Variants in ZNF512B observed in about 807,000 individuals in gnomAD.
ZNF512B encodes the protein zinc finger protein 512B.
ZNF512B carries 22 observed loss-of-function variants against 87.8 expected under a neutral mutation model. The observed-to-expected ratio is 0.25, with a 90% CI of 0.18 to 0.36. The LOEUF is 0.36. ZNF512B is among the 10% of genes least tolerant of loss of function. The pLI is 1.00. For synonymous variants in ZNF512B, 524 were observed against 490.9 expected (o/e 1.07, Z -0.89); for missense variants, 1,060 against 1,231.6 (o/e 0.86, Z 2.09).
In ZNF512B at chr20:63,964,105, C is replaced by A. The variant is rs759201145; in HGVS notation, c.1446G>T (p.Lys482Asn). The change falls in exon 8 of 17, where the codon AAG becomes AAT. Residue 482 changes from lysine to asparagine, a missense_variant. Physicochemically the swap from Lys to Asn is moderately conservative, Grantham distance 94. Coordinates refer to ENST00000369888, the MANE Select transcript of ZNF512B (RefSeq NM_020713.3). ...KVPAAPITVS[K>N]EAPAPVAHPA... is the part of the protein sequence containing the mutation. ...GGTGGGCCACAGGGGCCGGTGCCTCCTTGCTGACAGTGATGGGGGCAGCTG... is the reference window on the plus strand; with the variant it reads ...GGTGGGCCACAGGGGCCGGTGCCTCATTGCTGACAGTGATGGGGGCAGCTG... 2.5e-6 allele frequency: 4 copies of A among 1,610,436 alleles called. No individual in the cohort carries two copies. In the Admixed American group the frequency reaches 6.7e-5, roughly 27 times the overall value.
At position 63,964,711 on chromosome 20, in the gene ZNF512B, G is replaced by A. The variant is rs772609258; in HGVS notation, c.1040C>T (p.Ala347Val). The A allele has an allele frequency of 3.0e-5, 48 of 1,610,468 alleles. No individual in the cohort carries two copies. The highest frequency in any genetic ancestry group is 2.3e-4 in the Admixed American group (14 of 59,962). Residue 347 changes from alanine (A) to valine (V), a missense_variant, in exon 6 of 17, where the codon GCG (alanine) becomes GTG (valine). By Grantham distance (64) the Ala-to-Val change is moderately conservative. Coordinates refer to ENST00000369888, the MANE Select transcript of ZNF512B (RefSeq NM_020713.3). ...AATTGGGCAGGTGTCCAGGCTGTCC[G>A]CAGCCCTGCAGGGAGCAGGTGAGGT... Reference protein sequence around the residue: ...TGRNSGKKRAADSLDTCPIPP... With the variant: ...TGRNSGKKRAVDSLDTCPIPP...
In ZNF512B at chr20:63,962,027, C is replaced by T. The variant is rs377274270; in HGVS notation, c.2266-23G>A. On this transcript the variant is annotated intron_variant, in intron 14 of 16. Transcript: ENST00000369888. ...GCACTGCAGGGAAGGGAGCCGTGGG[C>T]GAAGGCCTCTGGTGGGCACCCCACA... The T allele has an allele frequency of 8.8e-5, 137 of 1,550,510 alleles. No homozygotes were observed. The African/African-American group carries it at 1.3e-3, about 15-fold the overall frequency.
In ZNF512B at chr20:63,962,465, C is replaced by T. The variant is rs533161084; in HGVS notation, c.2164-91G>A. Reference sequence around the variant, plus strand: ...TCGCCTCGGCAGCAGGCGACACTCGCCGCAGATGGCGGGGGCAGCGGGTGG... The same window carrying T: ...TCGCCTCGGCAGCAGGCGACACTCGTCGCAGATGGCGGGGGCAGCGGGTGG... On this transcript the variant is annotated intron_variant, in intron 13 of 16. Transcript: ENST00000369888. 346 of 1,554,014 alleles carry T rather than the reference C, an allele frequency of 2.2e-4. 2 individuals are homozygous for T. Among genetic ancestry groups the T allele is most frequent in the Middle Eastern group, 3.8e-4 (2 of 5,332 alleles).
intron 1 of ZNF512B, among the ~76,000 whole-genome samples, chr20:63,968,208 T>C (rs763545550): frequency 6.6e-6 from 1 of 152,216 alleles, no homozygotes; most frequent in Non-Finnish European, 1.5e-5. Flanking sequence ...CCTGAGACCC[T>C]CACCAACTTC....
rs1270685376 is a variant in ZNF512B, at chr20:63,956,820, T to C, written c.*3068A>G. ...GGCGGGGACGAGGACCGGGGACAGA[T>C]GGTCACAAGGCGGGCGGGGCCCGAA... On this transcript the variant is annotated 3_prime_UTR_variant, in exon 17 of 17. Coordinates refer to ENST00000369888, the MANE Select transcript of ZNF512B (RefSeq NM_020713.3). The C allele has an allele frequency of 1.3e-5, 2 of 153,746 alleles. No homozygotes were observed. The highest frequency in any genetic ancestry group is 4.8e-5 in the African/African-American group (2 of 41,494). The allele number at this position is 153,746 out of a possible 1,614,324, so 9.5% of individuals were successfully genotyped here. A position where few individuals can be genotyped will look rare whatever the true frequency, so the allele number is the denominator to read the frequency against.
intron 3 of ZNF512B, 77 bp from the exon 4 acceptor site, chr20:63,967,081 C>G: frequency 1.3e-6 from 2 of 1,591,362 alleles, no homozygotes; most frequent in Admixed American, 1.7e-5. Flanking sequence ...GACTCAGAGC[C>G]CCCCCGGGCC....
At chr20:63,963,543 AC>A in intron 10 of ZNF512B, 74 bp downstream of exon 10, 1 of 1,598,946 alleles carries the variant, frequency 6.3e-7, no homozygotes, top group Non-Finnish European at 8.5e-7. Flanking sequence ...GAGGTTAGAA[AC>A]CGGGGGCACT....
At position 63,963,264 on chromosome 20, in the gene ZNF512B, C is replaced by T. The variant is rs1428091521; in HGVS notation, c.1799G>A (p.Gly600Asp). ...GAGGCTGGAGAAGGCAGCCCCGCAACCCTGGGGGTCAGGCCAGAGGGTGGG... is the reference window on the plus strand; with the variant it reads ...GAGGCTGGAGAAGGCAGCCCCGCAATCCTGGGGGTCAGGCCAGAGGGTGGG... ...QMGRLRCPQE[G>D]CGAAFSSLMG... The change falls in exon 12 of 17, where the codon GGT becomes GAT. Residue 600 changes from glycine to aspartate, a missense_variant and splice_region_variant. Gly to Asp is a moderately conservative substitution (Grantham distance 94, BLOSUM62 -1). Transcript: ENST00000369888. 2 of 1,544,404 alleles carry T rather than the reference C, an allele frequency of 1.3e-6. No individual in the cohort carries two copies. Among genetic ancestry groups the T allele is most frequent in the Middle Eastern group, 3.4e-4 (2 of 5,944 alleles).
Position 63,966,214 on chromosome 20 carries a change from A to T in ZNF512B, c.961T>A (p.Cys321Ser), listed in dbSNP as rs146666443. Residue 321 changes from cysteine (C) to serine (S), a missense_variant, in exon 5 of 17, where the codon TGC becomes AGC. Around this residue, in one of 9 missense-constraint regions of ZNF512B, gnomAD observed 201 missense variants for 226.8 expected, o/e 0.89. Coordinates refer to ENST00000369888, the MANE Select transcript of ZNF512B (RefSeq NM_020713.3). ...PIAISRHTPP[C>S]KMVLLTRSEN... Reference sequence around the variant, plus strand: ...GACCTGGTCAGCAGCACCATTTTGCAGGGCGGTGTGTGTCTGCTGATAGCA... The same window carrying T: ...GACCTGGTCAGCAGCACCATTTTGCTGGGCGGTGTGTGTCTGCTGATAGCA... The T allele has an allele frequency of 1.5e-5, 25 of 1,613,920 alleles. No individual in the cohort carries two copies. The African/African-American group carries it at 2.4e-4, about 15-fold the overall frequency.
In ZNF512B at chr20:63,969,889, C is replaced by G. The variant is rs1412527001; in HGVS notation, c.-78G>C. On this transcript the variant is annotated 5_prime_UTR_variant, in exon 1 of 17. Coordinates refer to ENST00000369888, the MANE Select transcript of ZNF512B (RefSeq NM_020713.3). ...GGCGCGGGGCGCGGGGCGCTGGGTC[C>G]GGGCGGCGCAGGCTGCGCGCCGCGC... The G allele has an allele frequency of 3.4e-5, 5 of 146,132 alleles. No individual in the cohort carries two copies. The highest frequency in any genetic ancestry group is 6.1e-5 in the Non-Finnish European group (4 of 65,728). The allele number at this position is 146,132 out of a possible 1,614,324, so 9.1% of individuals were successfully genotyped here.
In ZNF512B at chr20:63,964,575, G is replaced by A. The variant is rs755828408; in HGVS notation, c.1176C>T (p.Gly392=). ...CCTCCATGCCCCCTGACGGCCTGCT[G>A]CCTGGCGACAAGGAGCCACTGCTGG... is the stretch of plus-strand genomic sequence containing the variant. ...ADTSSGSLSP[G]SRPSGGMEAL... Residue 392 remains glycine, a synonymous_variant, in exon 6 of 17, where the codon GGC becomes GGT. Coordinates refer to ENST00000369888, the MANE Select transcript of ZNF512B (RefSeq NM_020713.3). The A allele has an allele frequency of 6.2e-7, 1 of 1,613,168 alleles. No individual in the cohort carries two copies. Among genetic ancestry groups the A allele is most frequent in the Non-Finnish European group, 8.5e-7 (1 of 1,179,960 alleles).
Position 63,963,384 on chromosome 20 carries a change from G to A in ZNF512B, c.1755C>T (p.Arg585=). Residue 585 remains arginine (R), a synonymous_variant, in exon 11 of 17, where the codon CGC becomes CGT. Coordinates refer to ENST00000369888, the MANE Select transcript of ZNF512B (RefSeq NM_020713.3). ...GGEQEERERL[R]KVLKQMGRLR... is the part of the protein sequence containing the mutation. Reference sequence around the variant, plus strand: ...GCCGTCCCATCTGCTTCAGCACCTTGCGCAGCCTCTCGCGCTCCTCCTGCT... The same window carrying A: ...GCCGTCCCATCTGCTTCAGCACCTTACGCAGCCTCTCGCGCTCCTCCTGCT... 6.5e-7 allele frequency: 1 copy of A among 1,549,396 alleles called. No individual in the cohort carries two copies. The highest frequency in any genetic ancestry group is 8.7e-7 in the Non-Finnish European group (1 of 1,152,538).
At chr20:63,967,301 C>A in intron 3 of ZNF512B, 80 bp downstream of exon 3, 1 of 1,511,966 alleles carries the variant, frequency 6.6e-7, no homozygotes, top group Non-Finnish European at 8.9e-7. Context: ...ACCAGATGTG[C>A]AGAGGACAAA....
Position 63,964,473 on chromosome 20 carries a change from T to C in ZNF512B, c.1261+17A>G, listed in dbSNP as rs776954463. On this transcript the variant is annotated intron_variant, in intron 6 of 16. Coordinates refer to ENST00000369888, the MANE Select transcript of ZNF512B (RefSeq NM_020713.3). ...CCGAGCCTGCCCCGGCCGCCACCCC[T>C]GGAGCTCTCATCTTACTGTGCTTTG... 1.9e-6 allele frequency: 3 copies of C among 1,613,248 alleles called. No homozygotes were observed. The highest frequency in any genetic ancestry group is 2.5e-6 in the Non-Finnish European group (3 of 1,179,814).
chr20:63,964,188 C>A lies in ZNF512B; in HGVS notation c.1363G>T (p.Val455Phe). Reference sequence around the variant, plus strand: ...CCCTCCTGCTTCTTGGAGCGGTGAACTCGGGCCTTGTCCTCAGCTTTGACC... The same window carrying A: ...CCCTCCTGCTTCTTGGAGCGGTGAAATCGGGCCTTGTCCTCAGCTTTGACC... Reference protein sequence around the residue: ...GLVKAEDKARVHRSKKQEGPG... With the variant: ...GLVKAEDKARFHRSKKQEGPG... The change falls in exon 8 of 17, where the codon GTT becomes TTT. Residue 455 changes from valine (V) to phenylalanine (F), a missense_variant. Physicochemically the swap from Val to Phe is conservative, Grantham distance 50. Around this residue, in one of 9 missense-constraint regions of ZNF512B, gnomAD observed 212 missense variants for 207.6 expected, o/e 1.02. Coordinates refer to ENST00000369888, the MANE Select transcript of ZNF512B (RefSeq NM_020713.3). 1.3e-6 allele frequency: 2 copies of A among 1,599,402 alleles called. No individual in the cohort carries two copies.
chr20:63,962,063 C>T, intron 14 of ZNF512B, 59 bp from the exon 15 acceptor site: 2 of 1,522,162 alleles, frequency 1.3e-6, no homozygotes, highest in Non-Finnish European at 1.8e-6. Flanking sequence ...CCAAGATATA[C>T]CCCTGCCCTA....
chr20:63,961,044 G>A lies in ZNF512B; in HGVS notation c.2427+265C>T, dbSNP rs978304136. Among the ~76,000 whole-genome samples the A allele has an allele frequency of 6.6e-6, 1 of 152,206 alleles. No individual in the cohort carries two copies. The highest frequency in any genetic ancestry group is 1.5e-5 in the Non-Finnish European group (1 of 68,014). The stretch of plus-strand genomic sequence containing the variant: ...GGCTGGACACAGCCTTCGGGACCAG[G>A]CAAGCACCTGCAGCAGGGCTGCTGG... On this transcript the variant is annotated intron_variant, in intron 16 of 16. Coordinates refer to ENST00000369888, the MANE Select transcript of ZNF512B (RefSeq NM_020713.3). This position sits in a 1 kb window ranked among gnomAD's most constrained non-coding sequence, Gnocchi z 6.4.
chr20:63,966,309 G>A lies in ZNF512B; in HGVS notation c.866C>T (p.Pro289Leu), dbSNP rs754970855. 4.4e-6 allele frequency: 7 copies of A among 1,594,462 alleles called. No individual in the cohort carries two copies. The highest frequency in any genetic ancestry group is 3.4e-5 in the Admixed American group (2 of 58,394). ...GCTGACTGTCACTGGCTTGGTGACC[G>A]GCACGGGTTTCGTAACTGTCACAAG... is the stretch of plus-strand genomic sequence containing the variant. ...TKLVTVTKPV[P>L]VTKPVTVSRP... The change falls in exon 5 of 17, where the codon CCG becomes CTG. Residue 289 changes from proline to leucine, a missense_variant. By Grantham distance (98) the Pro-to-Leu change is moderately conservative. Transcript: ENST00000369888.
chr20:63,968,065 C>T (rs894011416), intron 1 of ZNF512B, 113 bp from the exon 2 acceptor site: 8 of 1,330,266 alleles, frequency 6.0e-6, no homozygotes, highest in Non-Finnish European at 8.2e-6. Flanking sequence ...GGAAGAGGGG[C>T]CTGCCTTCCT....
Sources: allele counts gnomAD v4.1 joint callset (sites outside exome capture counted in the v4.1 genomes callset), GRCh38; gene constraint gnomAD v4.1.1; regional missense constraint gnomAD v4.1.1; non-coding constraint Gnocchi (gnomAD v3.1); transcripts MANE v1.5; gene names NCBI Gene and HGNC (gene_info 2026-07-23, HGNC 2026-07-21).